The following IQCJ variants were observed in gnomAD, a reference collection of about 807,000 sequenced individuals.
IQCJ encodes the protein IQ motif containing J.
In IQCJ, 9 loss-of-function variants were observed where a neutral mutation model predicts 11.0. The ratio of observed to expected loss-of-function variants is 0.82; its 90% CI spans 0.49 to 1.43. The LOEUF is 1.43. Among genes scored for constraint, IQCJ ranks in the 40% most tolerant of loss-of-function variants. The pLI is 0.00. For missense variants in IQCJ, 146 were observed against 133.2 expected, an observed-to-expected ratio of 1.10 and a Z score of -0.47; for synonymous variants, 55 against 51.3, an observed-to-expected ratio of 1.07 and a Z score of -0.31.
At chr3:159,181,592 C>T (rs1176776780) in intron 1 of IQCJ, among the ~76,000 whole-genome samples, 2 of 151,374 alleles carry the variant, frequency 1.3e-5, no homozygotes, top group Admixed American at 1.3e-4. Context: ...TCATTGCCAT[C>T]TCCTTCTCAG....
At chr3:159,107,393 T>G (rs1174196044) in intron 1 of IQCJ, among the ~76,000 whole-genome samples, 2 of 152,214 alleles carry the variant, frequency 1.3e-5, no homozygotes, top group Admixed American at 6.5e-5. Flanking sequence ...CACCTTAATC[T>G]TGGACTTTCC....
At chr3:159,256,419 T>C (rs1382239315) in intron 3 of IQCJ, among the ~76,000 whole-genome samples, 1 of 152,186 alleles carries the variant, frequency 6.6e-6, no homozygotes, top group Non-Finnish European at 1.5e-5. Flanking sequence ...ACTTTAAAGA[T>C]GTTTAGTAAA....
chr3:159,248,620 C>G (rs2108204497), intron 2 of IQCJ, among the ~76,000 whole-genome samples: 1 of 152,200 alleles, frequency 6.6e-6, no homozygotes, highest in Admixed American at 6.5e-5. Flanking sequence ...AAGCTCCACT[C>G]TAGAAAAATT....
chr3:159,072,168 A>G (rs1715606750), intron 1 of IQCJ, among the ~76,000 whole-genome samples: 1 of 152,118 alleles, frequency 6.6e-6, no homozygotes, highest in African/African-American at 2.4e-5. Context: ...ATGGTTTGAG[A>G]ATTGCATTGG....
At chr3:159,155,640 A>G (rs181074733) in intron 1 of IQCJ, among the ~76,000 whole-genome samples, 4 of 152,328 alleles carry the variant, frequency 2.6e-5, no homozygotes, top group Admixed American at 2.0e-4. Flanking sequence ...TTTTACTTCA[A>G]CTTCTGACAT....
chr3:159,153,448 C>G (rs1401921400), intron 1 of IQCJ, among the ~76,000 whole-genome samples: 2 of 152,126 alleles, frequency 1.3e-5, no homozygotes, highest in African/African-American at 4.8e-5. Flanking sequence ...GTCAAGAGGG[C>G]TGGTTATCAT....
intron 1 of IQCJ, among the ~76,000 whole-genome samples, chr3:159,135,542 C>T (rs1559998432): frequency 6.6e-6 from 1 of 152,158 alleles, no homozygotes; most frequent in African/African-American, 2.4e-5. Flanking sequence ...ATGCTGGGAC[C>T]CAGGCTCCTT....
At chr3:159,247,184 C>A (rs7639623) in intron 2 of IQCJ, among the ~76,000 whole-genome samples, 40,890 of 152,036 alleles carry the variant, frequency 0.27, 5,723 homozygotes, top group Middle Eastern at 0.32. Flanking sequence ...GCGACCTCCG[C>A]CTCCCGGGTT....
At position 159,088,587 on chromosome 3, in the gene IQCJ, G is replaced by A. The variant is rs535233753; in HGVS notation, c.9+19146G>A. Among the ~76,000 whole-genome samples, 1,438 of 152,202 alleles carry A rather than the reference G, an allele frequency of 9.4e-3. 17 individuals are homozygous for A. Among genetic ancestry groups the A allele is most frequent in the African/African-American group, 0.034 (1,393 of 41,518 alleles). On this transcript the variant is annotated intron_variant, in intron 1 of 3. Coordinates refer to ENST00000397832, the MANE Select transcript of IQCJ (RefSeq NM_001042706.3). ...TGGTAGGTCTCTAAGGACTTGCTTT[G>A]TGAATCTGGGTGCTCCTGTATTGGG...
At chr3:159,101,306 G>C (rs1342387253) in intron 1 of IQCJ, among the ~76,000 whole-genome samples, 1 of 151,596 alleles carries the variant, frequency 6.6e-6, no homozygotes, top group Non-Finnish European at 1.5e-5. Context: ...ACCTCAGATG[G>C]AAATGCAGAA....
chr3:159,157,922 GGCA>G (rs1721623528), intron 1 of IQCJ, among the ~76,000 whole-genome samples: 2 of 122,654 alleles, frequency 1.6e-5, no homozygotes, highest in Admixed American at 8.1e-5. Context: ...CATATGGTTG[GGCA>G]GCAGTTTATT....
At chr3:159,161,835 A>G (rs1417343641) in intron 1 of IQCJ, among the ~76,000 whole-genome samples, 2 of 152,198 alleles carry the variant, frequency 1.3e-5, no homozygotes, top group Non-Finnish European at 2.9e-5. Flanking sequence ...AAGATCAGAT[A>G]GCTGTAGATA....
intron 1 of IQCJ, among the ~76,000 whole-genome samples, chr3:159,207,708 A>AAAAAGGTCTTCTTAAAAC (rs1320420120): frequency 6.6e-6 from 1 of 152,208 alleles, no homozygotes; most frequent in East Asian, 1.9e-4. Context: ...GAATACAGCA[A>AAAAAGGTCTTCTTAAAAC]AACAAGGCTA....
At chr3:159,090,391 A>C (rs1464774154) in intron 1 of IQCJ, among the ~76,000 whole-genome samples, 1 of 151,822 alleles carries the variant, frequency 6.6e-6, no homozygotes, top group Non-Finnish European at 1.5e-5. Context: ...GGAGCTGTAG[A>C]CCGGAGCTGT....
chr3:159,235,478 T>G (rs1399384317), intron 1 of IQCJ, among the ~76,000 whole-genome samples: 1 of 152,178 alleles, frequency 6.6e-6, no homozygotes, highest in African/African-American at 2.4e-5. Flanking sequence ...GCCTGAAGGG[T>G]ATTTTTCAAA....
At chr3:159,141,035 G>T (rs1302405129) in intron 1 of IQCJ, among the ~76,000 whole-genome samples, 2 of 152,170 alleles carry the variant, frequency 1.3e-5, no homozygotes, top group Non-Finnish European at 2.9e-5. Flanking sequence ...CAGTGAAAGA[G>T]TAAACAGGAC....
Position 159,263,488 on chromosome 3 carries a change from G to A in IQCJ, c.*757G>A, listed in dbSNP as rs1348744879. ...AAGTGGGAAGAAATCAGTGATGAGG[G>A]ATTTATGAACCAGGATTTTGTGGAT... is the stretch of plus-strand genomic sequence containing the variant. On this transcript the variant is annotated 3_prime_UTR_variant, in exon 4 of 4. Coordinates refer to ENST00000397832, the MANE Select transcript of IQCJ (RefSeq NM_001042706.3). The A allele has an allele frequency of 1.0e-6, 1 of 984,038 alleles. No individual in the cohort carries two copies. Among genetic ancestry groups the A allele is most frequent in the Non-Finnish European group, 1.2e-6 (1 of 828,838 alleles). 61.0% of individuals were successfully genotyped at this position (984,038 alleles called of 1,614,324 possible). A position where few individuals can be genotyped will look rare whatever the true frequency, so the allele number is the denominator to read the frequency against.
At chr3:159,188,575 T>A (rs901806731) in intron 1 of IQCJ, among the ~76,000 whole-genome samples, 5 of 152,248 alleles carry the variant, frequency 3.3e-5, no homozygotes, top group African/African-American at 1.2e-4. Context: ...CATTTTATGG[T>A]ACTTTTGTTA....
intron 2 of IQCJ, among the ~76,000 whole-genome samples, chr3:159,250,842 T>A (rs1727554981): frequency 6.6e-6 from 1 of 152,186 alleles, no homozygotes; most frequent in South Asian, 2.1e-4. Context: ...AGGATTAGGT[T>A]CCTCCGTGAT....
Sources: allele counts gnomAD v4.1 joint callset (sites outside exome capture counted in the v4.1 genomes callset), GRCh38; gene constraint gnomAD v4.1.1; transcripts MANE v1.5; gene names NCBI Gene and HGNC (gene_info 2026-07-23, HGNC 2026-07-21).